PAIP1: variants seen among roughly 807,000 people sequenced by gnomAD.
PAIP1 encodes the protein polyadenylate-binding protein-interacting protein 1.
Under a neutral mutation model 61.3 loss-of-function variants are expected in PAIP1, and 16 were observed. The ratio of observed to expected loss-of-function variants is 0.26; its 90% CI spans 0.18 to 0.40. The LOEUF (loss-of-function observed/expected upper bound fraction) is 0.40, where lower values mean the gene tolerates loss of function less well. Among genes scored for constraint, PAIP1 ranks in the 10% least tolerant of loss-of-function variants. The probability of loss-of-function intolerance (pLI) is 1.00; values close to 1 mark genes in which losing one functional copy is unlikely to be tolerated. For missense variants in PAIP1, 416 were observed against 600.9 expected (o/e 0.69, Z 3.22); for synonymous variants, 187 against 226.2 (o/e 0.83, Z 1.56).
intron 1 of PAIP1, 45 bp from the exon 2 acceptor site, chr5:43,556,044 T>G (rs767411034): frequency 6.3e-7 from 1 of 1,589,112 alleles, no homozygotes; most frequent in South Asian, 1.1e-5. Flanking sequence ...TTCTTTCCTT[T>G]GTACAGCAAC....
At position 43,540,184 on chromosome 5, in the gene PAIP1, T is replaced by A. The variant is rs971052230; in HGVS notation, c.735-1149A>T. 2.6e-5 allele frequency among the ~76,000 whole-genome samples: 4 copies of A among 152,352 alleles called. No individual in the cohort carries two copies. In the East Asian group the frequency reaches 7.7e-4, roughly 29 times the overall value. On this transcript the variant is annotated intron_variant, in intron 4 of 10. Transcript: ENST00000306846. ...CGAGGTATATTAACTGAGCAACATC[T>A]TCTGTTTAAGTCAAATGTGGTAAGA...
intron 10 of PAIP1, among the ~76,000 whole-genome samples, chr5:43,528,977 A>AT (rs1746820749): frequency 6.6e-6 from 1 of 152,168 alleles, no homozygotes; most frequent in South Asian, 2.1e-4. Flanking sequence ...ATATATAAAC[A>AT]GTCCTATAAT....
intron 9 of PAIP1, among the ~76,000 whole-genome samples, chr5:43,533,013 G>A (rs1021237524): frequency 6.6e-6 from 1 of 152,172 alleles, no homozygotes; most frequent in African/African-American, 2.4e-5. Flanking sequence ...GCATAATCAT[G>A]CTAGAAAACA....
Position 43,556,717 on chromosome 5 carries a change from G to C in PAIP1, c.130C>G (p.Gln44Glu). ...GAGPAERARH[Q>E]PPQPKAPGFL... ...CCCGGGGCTTTGGGTTGCGGCGGCT[G>C]GTGCCGCGCCCGCTCAGCAGGCCCC... Residue 44 changes from glutamine (Q) to glutamate (E), a missense_variant, in exon 1 of 11, where the codon CAG becomes GAG. This residue lies in a region of PAIP1 where 97 missense variants were observed against 89.5 expected (regional missense o/e 1.08). Transcript: ENST00000306846. 7.5e-7 allele frequency: 1 copy of C among 1,336,176 alleles called. No homozygotes were observed. Among genetic ancestry groups the C allele is most frequent in the African/African-American group, 1.5e-5 (1 of 65,364 alleles). The allele number at this position is 1,336,176 out of a possible 1,614,324, so 82.8% of individuals were successfully genotyped here.
intron 3 of PAIP1, among the ~76,000 whole-genome samples, chr5:43,543,760 G>C (rs1276542030): frequency 1.3e-5 from 2 of 150,996 alleles, no homozygotes; most frequent in Non-Finnish European, 2.9e-5. Context: ...CTGAAGCAGT[G>C]TTCAGCAAGT....
intron 10 of PAIP1, among the ~76,000 whole-genome samples, chr5:43,529,299 G>A (rs1746840903): frequency 6.6e-6 from 1 of 151,976 alleles, no homozygotes; most frequent in East Asian, 1.9e-4. Context: ...TATTTTAATG[G>A]TTATTTTCCT....
intron 2 of PAIP1, among the ~76,000 whole-genome samples, chr5:43,553,604 T>G (rs548200882): frequency 4.8e-4 from 73 of 152,306 alleles, no homozygotes; most frequent in Non-Finnish European, 6.9e-4. Flanking sequence ...CAAGAGCTTA[T>G]CCTAAGAGTC....
chr5:43,537,311 T>A (rs2112390033), intron 5 of PAIP1, among the ~76,000 whole-genome samples: 1 of 152,330 alleles, frequency 6.6e-6, no homozygotes, highest in South Asian at 2.1e-4. Context: ...GTGGTATATG[T>A]ATCTTATATC....
At chr5:43,528,635 G>A (rs577333618) in intron 10 of PAIP1, among the ~76,000 whole-genome samples, 15 of 151,826 alleles carry the variant, frequency 9.9e-5, no homozygotes, top group Non-Finnish European at 2.1e-4. Context: ...GAATATAGAA[G>A]TACAGCAACA....
intron 4 of PAIP1, among the ~76,000 whole-genome samples, chr5:43,541,149 C>T (rs1579916433): frequency 1.9e-5 from 2 of 103,112 alleles, no homozygotes; most frequent in African/African-American, 7.4e-5. Context: ...ATTTTTGATA[C>T]GGAGTCTGGC....
At position 43,536,845 on chromosome 5, in the gene PAIP1, A is replaced by C; in HGVS notation, c.946T>G (p.Leu316Val). ...ALFSNPMDDN[L>V]ICAVKLLKLT... ...TTTAACAATTTTACTGCACAAATTA[A>C]ATTGTCATCCATAGGATTAGAAAAC... is the stretch of plus-strand genomic sequence containing the variant. The change falls in exon 6 of 11, where the codon TTA becomes GTA. Residue 316 changes from leucine (L) to valine (V), a missense_variant. By Grantham distance (32) the Leu-to-Val change is conservative (BLOSUM62 1). Around this residue, in one of 4 missense-constraint regions of PAIP1, gnomAD observed 135 missense variants for 283.9 expected, o/e 0.48. Coordinates refer to ENST00000306846, the MANE Select transcript of PAIP1 (RefSeq NM_006451.5). The C allele has an allele frequency of 6.5e-7, 1 of 1,533,424 alleles. No individual in the cohort carries two copies. The highest frequency in any genetic ancestry group is 8.9e-7 in the Non-Finnish European group (1 of 1,126,854). 95.0% of individuals were successfully genotyped at this position (1,533,424 alleles called of 1,614,324 possible).
intron 3 of PAIP1, among the ~76,000 whole-genome samples, chr5:43,543,944 C>A (rs1747526279): frequency 6.6e-6 from 1 of 151,874 alleles, no homozygotes; most frequent in African/African-American, 2.4e-5. Flanking sequence ...GAGTTCAAGA[C>A]CAGCCTAGTC....
intron 4 of PAIP1, among the ~76,000 whole-genome samples, chr5:43,540,177 C>A (rs1443902597): frequency 6.6e-6 from 1 of 152,192 alleles, no homozygotes; most frequent in Non-Finnish European, 1.5e-5. Context: ...ATTAACTGAG[C>A]AACATCTTCT....
intron 3 of PAIP1, among the ~76,000 whole-genome samples, chr5:43,543,333 A>T (rs1191972973): frequency 6.6e-6 from 1 of 151,890 alleles, no homozygotes; most frequent in Non-Finnish European, 1.5e-5. Context: ...AAAAAGAAAA[A>T]ACCCATCAGT....
At chr5:43,540,797 C>T (rs1318698385) in intron 4 of PAIP1, among the ~76,000 whole-genome samples, 1 of 152,164 alleles carries the variant, frequency 6.6e-6, no homozygotes, top group Non-Finnish European at 1.5e-5. Flanking sequence ...TCAATCATAG[C>T]TATACAGTAG....
chr5:43,545,535 C>A (rs78116859), intron 3 of PAIP1, among the ~76,000 whole-genome samples: 77 of 152,230 alleles, frequency 5.1e-4, no homozygotes, highest in African/African-American at 1.8e-3. Context: ...TATTTTAGAA[C>A]CTTTTAGGTT....
rs1340298906 is a variant in PAIP1 at position 43,556,614 on chromosome 5, G to A, written c.233C>T (p.Pro78Leu). Reference protein sequence around the residue: ...PGAQCEVPASPQRPSRPGALP... With the variant: ...PGAQCEVPASLQRPSRPGALP... Reference sequence around the variant, plus strand: ...CGCCCCGGGCCGGGAAGGCCGCTGGGGGCTGGCGGGGACCTCGCACTGGGC... The same window carrying A: ...CGCCCCGGGCCGGGAAGGCCGCTGGAGGCTGGCGGGGACCTCGCACTGGGC... The change falls in exon 1 of 11, where the codon CCC (proline) becomes CTC (leucine). Residue 78 changes from proline to leucine, a missense_variant. Pro to Leu is a moderately conservative substitution (Grantham distance 98). Transcript: ENST00000306846. 8.0e-6 allele frequency: 10 copies of A among 1,256,184 alleles called. No individual in the cohort carries two copies. The highest frequency in any genetic ancestry group is 1.0e-5 in the Non-Finnish European group (10 of 997,844). 77.8% of individuals were successfully genotyped at this position (1,256,184 alleles called of 1,614,324 possible). A position where few individuals can be genotyped will look rare whatever the true frequency, so the allele number is the denominator to read the frequency against.
chr5:43,546,970 G>C (rs1190155230), intron 3 of PAIP1, among the ~76,000 whole-genome samples: 1 of 141,238 alleles, frequency 7.1e-6, no homozygotes, highest in Non-Finnish European at 1.5e-5. Context: ...TTGAACCCGG[G>C]AGACGGAGGT....
intron 8 of PAIP1, among the ~76,000 whole-genome samples, chr5:43,534,356 C>T (rs376481774): frequency 2.9e-4 from 44 of 152,304 alleles, no homozygotes; most frequent in African/African-American, 9.9e-4. Flanking sequence ...AGTACTGCCA[C>T]GCCCAGCTGA....
Sources: allele counts gnomAD v4.1 joint callset (sites outside exome capture counted in the v4.1 genomes callset), GRCh38; gene constraint gnomAD v4.1.1; regional missense constraint gnomAD v4.1.1; transcripts MANE v1.5; gene names NCBI Gene and HGNC (gene_info 2026-07-23, HGNC 2026-07-21).